The following PHF12 variants were observed in gnomAD, a reference collection of about 807,000 sequenced individuals.
The protein encoded by PHF12 is PHD finger protein 12, also known as PHD factor 1.
A neutral mutation model predicts 99.8 loss-of-function variants in PHF12; 6 were observed. The observed-to-expected ratio is 0.06, with a 90% CI of 0.03 to 0.12. PHF12 has a LOEUF of 0.12. PHF12 is among the 10% of genes least tolerant of loss of function. The pLI is 1.00. For synonymous variants in PHF12, 480 were observed against 514.9 expected (o/e 0.93, Z 0.92); for missense variants, 954 against 1,300.1 (o/e 0.73, Z 4.09).
At position 28,950,660 on chromosome 17, in the gene PHF12, GC is replaced by G. The variant is rs1193493687; in HGVS notation, c.66+234del. The G allele has an allele frequency of 5.1e-6, 3 of 592,956 alleles. No individual in the cohort carries two copies. Among genetic ancestry groups the G allele is most frequent in the African/African-American group, 1.9e-5 (1 of 52,462 alleles). The allele number at this position is 592,956 out of a possible 1,614,324, so 36.7% of individuals were successfully genotyped here. On this transcript the variant is annotated intron_variant, in intron 1 of 14. Transcript: ENST00000332830. The surrounding 1 kb of genome is among the most constrained non-coding windows in gnomAD (Gnocchi z 5.7). Reference sequence around the variant, plus strand: ...CTGCCGGTGCAACGAGATGGAGTGGGCTGGCGCCTCGGGAGAGCGAATCGAG... The same window carrying G: ...CTGCCGGTGCAACGAGATGGAGTGGGTGGCGCCTCGGGAGAGCGAATCGAG...
chr17:28,948,529 C>A (rs954868978), intron 2 of PHF12, among the ~76,000 whole-genome samples: 1 of 152,190 alleles, frequency 6.6e-6, no homozygotes, highest in Non-Finnish European at 1.5e-5. Context: ...ATTTTACAAG[C>A]TGGGATGGGG....
Position 28,906,012 on chromosome 17 carries a change from G to T in PHF12, c.*171C>A. The stretch of plus-strand genomic sequence containing the variant: ...AAATGCCCCCTAGAACTTGAGAAAA[G>T]AAAAAGGATTTTTAAAAAACAGTCA... On this transcript the variant is annotated 3_prime_UTR_variant, in exon 15 of 15. Transcript: ENST00000332830. The surrounding 1 kb of genome is among the most constrained non-coding windows in gnomAD (Gnocchi z 4.2). 5.7e-6 allele frequency: 4 copies of T among 706,480 alleles called. No homozygotes were observed. In the East Asian group the frequency reaches 8.7e-5, roughly 15 times the overall value. The allele number at this position is 706,480 out of a possible 1,614,324, so 43.8% of individuals were successfully genotyped here.
chr17:28,950,393 C>T lies in PHF12; in HGVS notation c.67-147G>A. On this transcript the variant is annotated intron_variant, in intron 1 of 14. Transcript: ENST00000332830. The surrounding 1 kb of genome is among the most constrained non-coding windows in gnomAD (Gnocchi z 5.7). Reference sequence around the variant, plus strand: ...CAGGCTGCTCCCAGAATCTCTCAGCCCCCGGAACCAGGGGGAGCCCACCCT... The same window carrying T: ...CAGGCTGCTCCCAGAATCTCTCAGCTCCCGGAACCAGGGGGAGCCCACCCT... The T allele has an allele frequency of 1.1e-6, 1 of 926,732 alleles. No individual in the cohort carries two copies. The highest frequency in any genetic ancestry group is 2.7e-5 in the East Asian group (1 of 36,902). 57.4% of individuals were successfully genotyped at this position (926,732 alleles called of 1,614,324 possible). A position where few individuals can be genotyped will look rare whatever the true frequency, so the allele number is the denominator to read the frequency against.
chr17:28,916,258 G>A (rs1567953774), intron 7 of PHF12, among the ~76,000 whole-genome samples: 1 of 152,092 alleles, frequency 6.6e-6, no homozygotes. Flanking sequence ...GCAATGGCGC[G>A]ATCTCGGCTC....
At chr17:28,925,642 G>A (rs2152668055) in intron 3 of PHF12, 1 of 152,284 alleles carries the variant, frequency 6.6e-6, no homozygotes, top group African/African-American at 2.4e-5. Flanking sequence ...AGGTAACAGA[G>A]GTTTGGAATG....
chr17:28,923,653 C>CAAAAAAAAAAAAAA (rs35263191), intron 4 of PHF12, among the ~76,000 whole-genome samples: 450 of 43,468 alleles, frequency 0.01, 37 homozygotes, highest in Non-Finnish European at 0.013. Context: ...GTGAGACTCA[C>CAAAAAAAAAAAAAA]AAAAAAAAAA....
At chr17:28,946,815 G>A (rs1301074467) in intron 2 of PHF12, among the ~76,000 whole-genome samples, 1 of 152,108 alleles carries the variant, frequency 6.6e-6, no homozygotes, top group Non-Finnish European at 1.5e-5. Flanking sequence ...TGGGATTACA[G>A]GCATGAGCCA....
Position 28,949,973 on chromosome 17 carries a change from G to A in PHF12, c.248+92C>T, listed in dbSNP as rs1391979389. 8.7e-6 allele frequency: 12 copies of A among 1,381,642 alleles called. No homozygotes were observed. The East Asian group carries it at 2.6e-4, about 29-fold the overall frequency. 85.6% of individuals were successfully genotyped at this position (1,381,642 alleles called of 1,614,324 possible). A position where few individuals can be genotyped will look rare whatever the true frequency, so the allele number is the denominator to read the frequency against. ...AGAAAGTCAGCTAGCGGCTGCAAGC[G>A]CCCGTTATTTCGGCAGTCAGGGGCA... On this transcript the variant is annotated intron_variant, in intron 2 of 14. Transcript: ENST00000332830. This position sits in a 1 kb window ranked among gnomAD's most constrained non-coding sequence, Gnocchi z 4.6.
rs762272368 is a variant in PHF12, at chr17:28,913,011, G to A, written c.1560C>T (p.Ile520=). 4 of 1,614,204 alleles carry A rather than the reference G, an allele frequency of 2.5e-6. No homozygotes were observed. Among genetic ancestry groups the A allele is most frequent in the African/African-American group, 2.7e-5 (2 of 75,054 alleles). ...PPHQSPALED[I]GCSSCAEKSK... is the part of the protein sequence containing the mutation. ...ATTTTTCCGCACAAGAACTGCAGCC[G>A]ATGTCCTCTAGGGCTGGGGACTGGT... Residue 520 remains isoleucine (I), a synonymous_variant, in exon 9 of 15, where the codon ATC becomes ATT. Transcript: ENST00000332830.
intron 5 of PHF12, among the ~76,000 whole-genome samples, chr17:28,920,098 A>C (rs1255553801): frequency 6.6e-6 from 1 of 152,200 alleles, no homozygotes; most frequent in Non-Finnish European, 1.5e-5. Context: ...ATGATTTTGT[A>C]ATGTATTCAT....
intron 3 of PHF12, 133 bp downstream of exon 3, chr17:28,926,858 T>C: frequency 6.4e-7 from 1 of 1,553,458 alleles, no homozygotes; most frequent in Non-Finnish European, 8.7e-7. Context: ...ATGGGAAGAG[T>C]GGGGTGATTC....
Position 28,943,611 on chromosome 17 carries a change from C to T in PHF12, c.248+6454G>A, listed in dbSNP as rs532593638. On this transcript the variant is annotated intron_variant, in intron 2 of 14. Transcript: ENST00000332830. ...CTCCACTGCATTTCAGCCTAGGCAACGAAGCTAGACTCTGTCTCAAAAAAT... is the reference window on the plus strand; with the variant it reads ...CTCCACTGCATTTCAGCCTAGGCAATGAAGCTAGACTCTGTCTCAAAAAAT... Among the ~76,000 whole-genome samples the T allele has an allele frequency of 5.9e-5, 9 of 151,994 alleles. No homozygotes were observed. The East Asian group carries it at 1.5e-3, about 26-fold the overall frequency.
intron 5 of PHF12, 75 bp downstream of exon 5, chr17:28,921,613 C>T: frequency 6.5e-7 from 1 of 1,536,106 alleles, no homozygotes; most frequent in African/African-American, 1.4e-5. Flanking sequence ...CATACATGGT[C>T]TGGAAGAGGT....
chr17:28,933,427 C>T (rs1303707591), intron 2 of PHF12, among the ~76,000 whole-genome samples: 1 of 152,214 alleles, frequency 6.6e-6, no homozygotes, highest in African/African-American at 2.4e-5. Flanking sequence ...TCTAAAGCCA[C>T]TAAGTAGCAG....
chr17:28,911,523 A>C (rs1598118876), intron 9 of PHF12: 1 of 379,000 alleles, frequency 2.6e-6, no homozygotes, highest in Non-Finnish European at 4.8e-6. Context: ...GGCCATGACC[A>C]CCTCCCTGCT....
chr17:28,942,294 C>G (rs990111928), intron 2 of PHF12, among the ~76,000 whole-genome samples: 3 of 151,992 alleles, frequency 2.0e-5, no homozygotes, highest in Non-Finnish European at 4.4e-5. Flanking sequence ...GCAGGAGGAT[C>G]GGTTGAGGCC....
chr17:28,935,712 T>C (rs1352989422), intron 2 of PHF12, among the ~76,000 whole-genome samples: 3 of 152,218 alleles, frequency 2.0e-5, no homozygotes, highest in Admixed American at 6.5e-5. Context: ...TGGCTCTCTG[T>C]GAGGCCTAGA....
At chr17:28,907,110 C>A in intron 13 of PHF12, 116 bp from the exon 14 acceptor site, 3 of 1,243,012 alleles carry the variant, frequency 2.4e-6, no homozygotes, top group Non-Finnish European at 3.3e-6. Flanking sequence ...CCTTACTTGC[C>A]TCCCCAGTCA....
chr17:28,930,568 G>A (rs1450505480), intron 2 of PHF12, among the ~76,000 whole-genome samples: 2 of 152,224 alleles, frequency 1.3e-5, no homozygotes, highest in African/African-American at 2.4e-5. Flanking sequence ...ACTACACAAT[G>A]AGACAGAAGA....
Sources: allele counts gnomAD v4.1 joint callset (sites outside exome capture counted in the v4.1 genomes callset), GRCh38; gene constraint gnomAD v4.1.1; non-coding constraint Gnocchi (gnomAD v3.1); transcripts MANE v1.5; gene names NCBI Gene and HGNC (gene_info 2026-07-23, HGNC 2026-07-21).